Variants in PDE4D observed in about 807,000 individuals in gnomAD.
The protein encoded by PDE4D is 3',5'-cyclic-AMP phosphodiesterase 4D.
PDE4D carries 24 observed loss-of-function variants against 87.4 expected under a neutral mutation model. That is an observed-to-expected ratio of 0.27 (90% CI 0.20 to 0.39). The LOEUF (loss-of-function observed/expected upper bound fraction) is 0.39. Ranked by LOEUF, PDE4D falls within the 10% of genes least tolerant of loss-of-function variation. The pLI, the probability that PDE4D is intolerant of heterozygous loss-of-function variation, is 1.00. For missense variants in PDE4D, 714 were observed against 1,041.0 expected, an observed-to-expected ratio of 0.69 and a Z score of 4.32; for synonymous variants, 384 against 383.2, an observed-to-expected ratio of 1.00 and a Z score of -0.02.
chr5:59,307,640 G>T (rs1190350389), intron 1 of PDE4D, among the ~76,000 whole-genome samples: 2 of 151,012 alleles, frequency 1.3e-5, no homozygotes, highest in African/African-American at 4.9e-5. Flanking sequence ...TCAGAGAAAT[G>T]CAAATCAAAA....
At chr5:60,382,975 T>C (rs948491483) in intron 1 of PDE4D, among the ~76,000 whole-genome samples, 9 of 152,074 alleles carry the variant, frequency 5.9e-5, no homozygotes, top group African/African-American at 1.7e-4. Context: ...AGCTCCCCCA[T>C]GTGTGCGCAT....
intron 1 of PDE4D, among the ~76,000 whole-genome samples, chr5:60,252,507 C>T (rs190616933): frequency 1.3e-5 from 2 of 150,504 alleles, no homozygotes; most frequent in African/African-American, 4.9e-5. Context: ...AAGTGGGGAG[C>T]CTTTCAAATG....
At chr5:59,728,993 T>G (rs963348161) in intron 1 of PDE4D, among the ~76,000 whole-genome samples, 1 of 152,110 alleles carries the variant, frequency 6.6e-6, no homozygotes, top group Non-Finnish European at 1.5e-5. Context: ...GAATTTCCTC[T>G]GAAAATGTCA....
intron 1 of PDE4D, among the ~76,000 whole-genome samples, chr5:60,386,169 A>G (rs182578433): frequency 1.3e-3 from 192 of 152,280 alleles, no homozygotes; most frequent in African/African-American, 4.4e-3. Context: ...GAAACTTTGG[A>G]AAAAAATATA....
intron 1 of PDE4D, among the ~76,000 whole-genome samples, chr5:59,438,140 G>A (rs1451912211): frequency 6.6e-6 from 1 of 152,078 alleles, no homozygotes; most frequent in Non-Finnish European, 1.5e-5. Flanking sequence ...TATAAAATTG[G>A]AACTATAGGA....
At chr5:60,171,718 C>G (rs1783445304) in intron 2 of PDE4D, among the ~76,000 whole-genome samples, 1 of 152,014 alleles carries the variant, frequency 6.6e-6, no homozygotes, top group South Asian at 2.1e-4. Flanking sequence ...GGCCACTTAT[C>G]TTGGAGAAAT....
intron 5 of PDE4D, among the ~76,000 whole-genome samples, chr5:59,115,291 C>T (rs1487925127): frequency 2.0e-5 from 3 of 152,152 alleles, no homozygotes; most frequent in Non-Finnish European, 4.4e-5. Flanking sequence ...AGGATGCGCT[C>T]AGTGTTTCCA....
chr5:59,348,867 G>T (rs1460390033), intron 1 of PDE4D, among the ~76,000 whole-genome samples: 1 of 151,952 alleles, frequency 6.6e-6, no homozygotes, highest in Non-Finnish European at 1.5e-5. Context: ...TGAGGTGGGA[G>T]GATAACTTGA....
At chr5:59,516,312 T>C (rs1448138458) in intron 1 of PDE4D, among the ~76,000 whole-genome samples, 1 of 152,194 alleles carries the variant, frequency 6.6e-6, no homozygotes, top group East Asian at 1.9e-4. Context: ...TGGATTTTTT[T>C]TCCCTCTTTC....
intron 1 of PDE4D, among the ~76,000 whole-genome samples, chr5:60,457,794 G>T (rs1561278570): frequency 6.6e-6 from 1 of 152,164 alleles, no homozygotes; most frequent in African/African-American, 2.4e-5. Flanking sequence ...GCCTGTTTCA[G>T]CAAATGCCAA....
At chr5:60,185,574 G>A (rs1318225972) in exon 2 of PDE4D, 32 of 1,529,502 alleles carry the variant, frequency 2.1e-5, no homozygotes, top group Admixed American at 5.9e-5. Flanking sequence ...CTCCGAGAAA[G>A]CAAATCACAG....
chr5:60,173,788 C>A (rs547929283), intron 2 of PDE4D, among the ~76,000 whole-genome samples: 1 of 152,112 alleles, frequency 6.6e-6, no homozygotes, highest in South Asian at 2.1e-4. Context: ...TTAATGAGAA[C>A]CATCTTGGGG....
chr5:59,383,833 A>G (rs1192795020), intron 1 of PDE4D, among the ~76,000 whole-genome samples: 1 of 152,178 alleles, frequency 6.6e-6, no homozygotes, highest in Non-Finnish European at 1.5e-5. Flanking sequence ...GATTATCCAT[A>G]GGAATTTTTA....
At chr5:59,872,262 T>TACACACACACACAC (rs71606610) in intron 1 of PDE4D, among the ~76,000 whole-genome samples, 52 of 131,814 alleles carry the variant, frequency 3.9e-4, no homozygotes, top group African/African-American at 1.6e-3. Flanking sequence ...ACAGAAGAGT[T>TACACACACACACAC]ACACACACAC....
intron 1 of PDE4D, among the ~76,000 whole-genome samples, chr5:59,553,562 T>G (rs553404385): frequency 6.6e-6 from 1 of 152,182 alleles, no homozygotes. Context: ...GAGACACTCC[T>G]CAACTTTCTC....
At chr5:59,425,610 T>G (rs1795080991) in intron 1 of PDE4D, among the ~76,000 whole-genome samples, 1 of 152,150 alleles carries the variant, frequency 6.6e-6, no homozygotes, top group Non-Finnish European at 1.5e-5. Flanking sequence ...AAAAAGCAAA[T>G]GTTAGTCTAG....
chr5:59,562,788 C>T (rs755436901), intron 1 of PDE4D, among the ~76,000 whole-genome samples: 21 of 151,772 alleles, frequency 1.4e-4, no homozygotes, highest in Non-Finnish European at 2.9e-4. Flanking sequence ...CCAAGAAAAG[C>T]ATCTTATTTT....
At chr5:59,995,947 A>T (rs1195616849) in intron 2 of PDE4D, among the ~76,000 whole-genome samples, 1 of 152,246 alleles carries the variant, frequency 6.6e-6, no homozygotes, top group Non-Finnish European at 1.5e-5. Context: ...AGGAAAGAGG[A>T]AATGGTATTA....
rs11349021 is a variant in PDE4D at position 59,120,581 on chromosome 5, TAA to T, written c.808+60012_808+60013del. Among the ~76,000 whole-genome samples the T allele has an allele frequency of 2.0e-5, 3 of 148,868 alleles. 1 individual carries two copies. Among genetic ancestry groups the T allele is most frequent in the Admixed American group, 2.0e-4 (3 of 14,994 alleles). ...GCCCAATTCTTTCTCCCTTTCTCTTTAAAAAAAAAAATTATTGTACTGCTCAA... is the reference window on the plus strand; with the variant it reads ...GCCCAATTCTTTCTCCCTTTCTCTTTAAAAAAAAATTATTGTACTGCTCAA... On this transcript the variant is annotated intron_variant, in intron 5 of 14. Coordinates refer to ENST00000340635, the MANE Select transcript of PDE4D (RefSeq NM_001104631.2).
Sources: allele counts gnomAD v4.1 joint callset (sites outside exome capture counted in the v4.1 genomes callset), GRCh38; gene constraint gnomAD v4.1.1; transcripts MANE v1.5; gene names NCBI Gene and HGNC (gene_info 2026-07-23, HGNC 2026-07-21).